ZNF385D: variants seen among roughly 807,000 people sequenced by gnomAD.
ZNF385D encodes zinc finger protein 385D, also known as zinc finger protein 659.
Under a neutral mutation model 35.8 loss-of-function variants are expected in ZNF385D, and 15 were observed. That is an observed-to-expected ratio of 0.42 (90% CI 0.28 to 0.64). The LOEUF is 0.64. ZNF385D is among the 30% of genes least tolerant of loss of function. ZNF385D has a pLI of 0.23. For synonymous variants in ZNF385D, 212 were observed against 186.8 expected (o/e 1.13, Z -1.10); for missense variants, 474 against 494.6 (o/e 0.96, Z 0.39).
chr3:22,105,306 C>T (rs75528872), intron 3 of ZNF385D, among the ~76,000 whole-genome samples: 3,011 of 150,166 alleles, frequency 0.02, 124 homozygotes, highest in African/African-American at 0.068. Context: ...CTGCATATTG[C>T]CTTTTTTTTT....
chr3:21,732,057 T>G (rs2069037934), intron 1 of ZNF385D, among the ~76,000 whole-genome samples: 3 of 88,672 alleles, frequency 3.4e-5, no homozygotes, highest in Non-Finnish European at 4.6e-5. Flanking sequence ...TTTTTTTTTT[T>G]TTTTTTTTTT....
chr3:21,944,376 C>T lies in ZNF385D; in HGVS notation c.325+224441G>A, dbSNP rs575810482. On this transcript the variant is annotated intron_variant, in intron 3 of 5. Coordinates refer to the ZNF385D transcript ENST00000494108. Reference sequence around the variant, plus strand: ...GAAACCACTGACAATTGGGTTTATACCCTTTGGGCAGTCAAGCTTTCATAG... The same window carrying T: ...GAAACCACTGACAATTGGGTTTATATCCTTTGGGCAGTCAAGCTTTCATAG... 1.8e-4 allele frequency among the ~76,000 whole-genome samples: 28 copies of T among 152,272 alleles called. No homozygotes were observed. The East Asian group carries it at 3.5e-3, about 19-fold the overall frequency.
intron 2 of ZNF385D, among the ~76,000 whole-genome samples, chr3:21,568,262 C>A (rs2063217025): frequency 1.3e-5 from 2 of 151,922 alleles, no homozygotes; most frequent in African/African-American, 4.8e-5. Flanking sequence ...TAAATAATAA[C>A]CAGTTCTGTT....
chr3:22,182,217 A>G (rs550729252), intron 2 of ZNF385D, among the ~76,000 whole-genome samples: 4 of 152,286 alleles, frequency 2.6e-5, no homozygotes, highest in Non-Finnish European at 4.4e-5. Flanking sequence ...CTCTCTTGCA[A>G]TAATTAATAT....
At chr3:21,744,290 A>G (rs1291153086) in intron 1 of ZNF385D, among the ~76,000 whole-genome samples, 22 of 152,342 alleles carry the variant, frequency 1.4e-4, no homozygotes, top group Non-Finnish European at 4.4e-5. Context: ...GTAAGGGATC[A>G]TGTTTATTAA....
chr3:22,206,019 C>A (rs1405415599), intron 2 of ZNF385D, among the ~76,000 whole-genome samples: 5 of 151,700 alleles, frequency 3.3e-5, no homozygotes, highest in Admixed American at 3.3e-4. Context: ...AAAATCAAAT[C>A]AAAATGGTTT....
chr3:21,751,396 G>A (rs114512374), upstream of ZNF385D: 5 of 1,022,042 alleles, frequency 4.9e-6, no homozygotes, highest in African/African-American at 6.9e-5. Flanking sequence ...GAAGAGTGTC[G>A]GGATCCACAC....
At position 21,945,662 on chromosome 3, in the gene ZNF385D, G is replaced by T. The variant is rs928904169; in HGVS notation, c.325+223155C>A. Among the ~76,000 whole-genome samples, 13 of 152,180 alleles carry T rather than the reference G, an allele frequency of 8.5e-5. No individual in the cohort carries two copies. The South Asian group carries it at 1.0e-3, about 12-fold the overall frequency. On this transcript the variant is annotated intron_variant, in intron 3 of 5. Coordinates refer to the ZNF385D transcript ENST00000494108. ...AAAAACTTATTTCGTTGCTTTTATT[G>T]TGTGTCTGGCTCAGTGATCCTCTGC...
chr3:21,840,054 AAAG>A (rs1695567129), intron 3 of ZNF385D, among the ~76,000 whole-genome samples: 1 of 152,104 alleles, frequency 6.6e-6, no homozygotes, highest in South Asian at 2.1e-4. Context: ...TAAGTGGAAA[AAAG>A]AAGAATGTGA....
At chr3:22,235,125 A>ATG (rs920734964) in intron 2 of ZNF385D, among the ~76,000 whole-genome samples, 54 of 151,978 alleles carry the variant, frequency 3.6e-4, no homozygotes, top group Admixed American at 2.0e-3. Flanking sequence ...ATGTATGTGT[A>ATG]TGTGTGTGTG....
At chr3:21,977,301 T>C (rs949534750) in intron 3 of ZNF385D, among the ~76,000 whole-genome samples, 1 of 151,400 alleles carries the variant, frequency 6.6e-6, no homozygotes, top group African/African-American at 2.4e-5. Flanking sequence ...TGTGTGCTTT[T>C]GTATATACAT....
At chr3:22,131,675 T>G (rs780136914) in intron 3 of ZNF385D, among the ~76,000 whole-genome samples, 1 of 152,144 alleles carries the variant, frequency 6.6e-6, no homozygotes, top group Non-Finnish European at 1.5e-5. Context: ...AAAGGAGTGA[T>G]GGCAGAGCAT....
At chr3:21,440,779 C>A (rs1248619189) in intron 4 of ZNF385D, among the ~76,000 whole-genome samples, 1 of 152,040 alleles carries the variant, frequency 6.6e-6, no homozygotes, top group Non-Finnish European at 1.5e-5. Flanking sequence ...TATAACCAGT[C>A]AACAAATGGT....
At chr3:22,047,337 A>G (rs1368563076) in intron 3 of ZNF385D, among the ~76,000 whole-genome samples, 2 of 152,110 alleles carry the variant, frequency 1.3e-5, no homozygotes, top group Non-Finnish European at 2.9e-5. Context: ...ACCATGATGT[A>G]CAATAGATCT....
intron 2 of ZNF385D, among the ~76,000 whole-genome samples, chr3:22,366,255 T>C (rs201202185): frequency 2.0e-5 from 3 of 152,088 alleles, no homozygotes; most frequent in African/African-American, 4.8e-5. Context: ...CCAATACAAG[T>C]ACTCAATACT....
At chr3:22,370,648 G>T (rs1696861122) in intron 2 of ZNF385D, among the ~76,000 whole-genome samples, 1 of 152,100 alleles carries the variant, frequency 6.6e-6, no homozygotes, top group African/African-American at 2.4e-5. Flanking sequence ...TTGGAGTTCT[G>T]CAATCTTGGA....
At chr3:21,734,152 T>A (rs953003501) in intron 1 of ZNF385D, among the ~76,000 whole-genome samples, 1 of 152,168 alleles carries the variant, frequency 6.6e-6, no homozygotes. Flanking sequence ...TGCTTATACA[T>A]TAACTTATAG....
chr3:21,961,906 T>A (rs73820665), intron 3 of ZNF385D, among the ~76,000 whole-genome samples: 1 of 152,034 alleles, frequency 6.6e-6, no homozygotes, highest in African/African-American at 2.4e-5. Context: ...AAAACTGTTA[T>A]GACTAAAAGG....
chr3:21,958,373 T>TG (rs1702399591), intron 3 of ZNF385D, among the ~76,000 whole-genome samples: 1 of 152,106 alleles, frequency 6.6e-6, no homozygotes, highest in African/African-American at 2.4e-5. Context: ...TTGTGTAAGT[T>TG]TCATACCTCA....
Sources: allele counts gnomAD v4.1 joint callset (sites outside exome capture counted in the v4.1 genomes callset), GRCh38; gene constraint gnomAD v4.1.1; transcripts MANE v1.5; gene names NCBI Gene and HGNC (gene_info 2026-07-23, HGNC 2026-07-21).